The following TAF7L variants were observed in gnomAD, a reference collection of about 807,000 sequenced individuals.
TAF7L encodes TATA-box binding protein associated factor 7 like.
Under a neutral mutation model 30.2 loss-of-function variants are expected in TAF7L, and 6 were observed. The ratio of observed to expected loss-of-function variants is 0.20; its 90% CI spans 0.11 to 0.39. TAF7L has a LOEUF of 0.39. Among genes scored for constraint, TAF7L ranks in the 10% least tolerant of loss-of-function variants. The pLI is 1.00. For missense variants in TAF7L, 284 were observed against 277.1 expected, an observed-to-expected ratio of 1.03 and a Z score of -0.18; for synonymous variants, 93 against 94.5, an observed-to-expected ratio of 0.98 and a Z score of 0.09.
intron 6 of TAF7L, among the ~76,000 whole-genome samples, chrX:101,280,998 T>C (rs1924391987): frequency 8.9e-6 from 1 of 111,878 alleles, no homozygotes; most frequent in Non-Finnish European, 1.9e-5. Context: ...CATGGTTATA[T>C]AAAAGCAAAA....
intron 1 of TAF7L, among the ~76,000 whole-genome samples, chrX:101,290,017 C>T (rs1285501231): frequency 9.2e-6 from 1 of 109,008 alleles, no homozygotes; most frequent in Non-Finnish European, 1.9e-5. Context: ...GAGTTCCAGA[C>T]CAGCCTGGCC....
At chrX:101,277,503 G>A (rs1386823467) in intron 9 of TAF7L, 103 bp downstream of exon 9, 2 of 319,044 alleles carry the variant, frequency 6.3e-6, no homozygotes, top group Non-Finnish European at 1.0e-5. Context: ...TTTTTTCTGG[G>A]TTTTTTTTTT....
In TAF7L at chrX:101,277,638, A is replaced by T; in HGVS notation, c.659T>A (p.Met220Lys). 1 of 1,199,609 alleles carries T rather than the reference A, an allele frequency of 8.3e-7. No individual in the cohort carries two copies. Among genetic ancestry groups the T allele is most frequent in the Non-Finnish European group, 1.1e-6 (1 of 891,368 alleles). ...GGTATGACCCTGCTTGTGGCTGCTC[A>T]TTCCCGAGGATATCAAAAATCCTGG... ...SIPGFLISSG[M>K]SSHKQGHTSS... is the part of the protein sequence containing the mutation. The change falls in exon 9 of 13, where the codon ATG becomes AAG. Residue 220 changes from methionine (M) to lysine (K), a missense_variant. By Grantham distance (95) the Met-to-Lys change is moderately conservative. Coordinates refer to ENST00000356784, the MANE Select transcript of TAF7L (RefSeq NM_001168474.2).
chrX:101,272,544 T>C (rs138359874), intron 12 of TAF7L, among the ~76,000 whole-genome samples: 1,202 of 111,577 alleles, frequency 0.011, 17 homozygotes, highest in African/African-American at 0.037. Context: ...CCATGTATTA[T>C]ATGATTTCAC....
chrX:101,281,839 TAAAGAC>T, intron 5 of TAF7L, 64 bp from the exon 6 acceptor site: 1 of 1,038,808 alleles, frequency 9.6e-7, no homozygotes, highest in Non-Finnish European at 1.3e-6. Flanking sequence ...CTGAATTTGA[TAAAGAC>T]AAAGATCATG....
At chrX:101,281,885 C>CTTTTTT in intron 5 of TAF7L, 110 bp from the exon 6 acceptor site, 1 of 443,819 alleles carries the variant, frequency 2.3e-6, no homozygotes, top group Non-Finnish European at 3.5e-6. Context: ...GACATCACTC[C>CTTTTTT]TTTTTTTTTT....
In TAF7L at chrX:101,282,294, T is replaced by G; in HGVS notation, c.406+33A>C. 7 of 1,207,352 alleles carry G rather than the reference T, an allele frequency of 5.8e-6. No individual in the cohort carries two copies. In the South Asian group the frequency reaches 7.1e-5, roughly 12 times the overall value. ...TTAGGATTCAGCAAATAAATTTTAGTCAGCAGGAATGAGCAAGGGGCTGGT... is the reference window on the plus strand; with the variant it reads ...TTAGGATTCAGCAAATAAATTTTAGGCAGCAGGAATGAGCAAGGGGCTGGT... On this transcript the variant is annotated intron_variant, in intron 5 of 12. Transcript: ENST00000356784.
At chrX:101,280,108 T>C (rs1924359790) in intron 6 of TAF7L, among the ~76,000 whole-genome samples, 1 of 108,860 alleles carries the variant, frequency 9.2e-6, no homozygotes, top group Admixed American at 9.9e-5. Context: ...AGTTCTTAGA[T>C]TTACTATAAA....
chrX:101,275,694 G>A (rs187889491), intron 11 of TAF7L, among the ~76,000 whole-genome samples: 238 of 111,570 alleles, frequency 2.1e-3, no homozygotes, highest in African/African-American at 7.0e-3. Context: ...TCAAGGATGT[G>A]AGGATAAAAT....
chrX:101,288,525 A>G lies in TAF7L; in HGVS notation c.-2-980T>C, dbSNP rs182311138. ...GATGGAGTTTTATGGAGAACATAAAATCTGATTTGATTTATTCGTTACTAC... is the reference window on the plus strand; with the variant it reads ...GATGGAGTTTTATGGAGAACATAAAGTCTGATTTGATTTATTCGTTACTAC... On this transcript the variant is annotated intron_variant, in intron 1 of 12. Transcript: ENST00000356784. Among the ~76,000 whole-genome samples the G allele has an allele frequency of 7.5e-5, 8 of 107,278 alleles. No individual in the cohort carries two copies. In the East Asian group the frequency reaches 2.3e-3, roughly 31 times the overall value. The allele number at this position is 107,278 out of a possible 115,157, so 93.2% of individuals were successfully genotyped here.
chrX:101,292,316 G>A (rs1924852455), upstream of TAF7L, among the ~76,000 whole-genome samples: 1 of 104,371 alleles, frequency 9.6e-6, no homozygotes, highest in African/African-American at 3.5e-5. Context: ...GCAGGCGCCT[G>A]TAATCTCAGC....
At chrX:101,271,399 G>A (rs1923960956) in intron 12 of TAF7L, among the ~76,000 whole-genome samples, 1 of 111,951 alleles carries the variant, frequency 8.9e-6, no homozygotes, top group African/African-American at 3.2e-5. Context: ...ATAGTCTATC[G>A]TTCCTAGGTT....
Position 101,276,546 on chromosome X carries a change from G to T in TAF7L, c.692-18C>A. 1 of 1,205,560 alleles carries T rather than the reference G, an allele frequency of 8.3e-7. No individual in the cohort carries two copies. The highest frequency in any genetic ancestry group is 1.8e-5 in the South Asian group (1 of 56,357). The stretch of plus-strand genomic sequence containing the variant: ...ATCATATTCTACTAGTTTTAAGCAA[G>T]AAGAAGGTGAACTATCTAAAACTCT... On this transcript the variant is annotated intron_variant, in intron 9 of 12. Coordinates refer to ENST00000356784, the MANE Select transcript of TAF7L (RefSeq NM_001168474.2).
intron 9 of TAF7L, 90 bp from the exon 10 acceptor site, chrX:101,276,618 C>A: frequency 1.1e-6 from 1 of 923,883 alleles, no homozygotes; most frequent in Admixed American, 2.7e-5. Context: ...TTCACATTCC[C>A]CAGGCAACCA....
intron 6 of TAF7L, among the ~76,000 whole-genome samples, chrX:101,280,214 A>G (rs1439749451): frequency 1.8e-5 from 2 of 111,856 alleles, no homozygotes; most frequent in Admixed American, 9.6e-5. Flanking sequence ...ATGGAAAGAC[A>G]AGCTACAGAC....
chrX:101,292,132 G>C (rs950927691), upstream of TAF7L, among the ~76,000 whole-genome samples: 1 of 99,822 alleles, frequency 1.0e-5, no homozygotes, highest in Non-Finnish European at 2.0e-5. Context: ...CCAGCTACTC[G>C]GGAGGCTGAG....
chrX:101,276,060 A>C lies in TAF7L; in HGVS notation c.966T>G (p.Ile322Met). The change falls in exon 11 of 13, where the codon ATT becomes ATG. Residue 322 changes from isoleucine (I) to methionine (M), a missense_variant. Ile to Met is a conservative substitution (Grantham distance 10). Transcript: ENST00000356784. ...CCTTCTGTCTTTGTGCTTTATTCTGAATCTTATGGAGCTTTTTCTCCTTTT... is the reference window on the plus strand; with the variant it reads ...CCTTCTGTCTTTGTGCTTTATTCTGCATCTTATGGAGCTTTTTCTCCTTTT... Reference protein sequence around the residue: ...IEKKEKKLHKIQNKAQRQKDL... With the variant: ...IEKKEKKLHKMQNKAQRQKDL... 8.3e-7 allele frequency: 1 copy of C among 1,206,968 alleles called. No individual in the cohort carries two copies. The highest frequency in any genetic ancestry group is 1.7e-5 in the African/African-American group (1 of 57,523).
intron 11 of TAF7L, 56 bp downstream of exon 11, chrX:101,275,944 A>G: frequency 1.1e-6 from 1 of 881,729 alleles, no homozygotes; most frequent in Non-Finnish European, 1.6e-6. Flanking sequence ...GGAAACACAA[A>G]GGCAAGATAC....
intron 6 of TAF7L, among the ~76,000 whole-genome samples, chrX:101,281,171 G>A (rs1697467209): frequency 8.9e-6 from 1 of 112,223 alleles, no homozygotes; most frequent in Admixed American, 9.5e-5. Flanking sequence ...TTCTAATCAT[G>A]TCAATTACCT....
Sources: gnomAD v4.1 joint callset for allele counts (sites outside exome capture counted in the v4.1 genomes callset) on GRCh38, gnomAD v4.1.1 for gene constraint, MANE v1.5 for transcripts, NCBI Gene and HGNC (gene_info 2026-07-23, HGNC 2026-07-21) for gene names.